RABGAP1L: variants seen among roughly 807,000 people sequenced by gnomAD.
RABGAP1L encodes the protein RAB GTPase activating protein 1 like.
RABGAP1L carries 63 observed loss-of-function variants against 137.7 expected under a neutral mutation model. The ratio of observed to expected loss-of-function variants is 0.46; its 90% CI spans 0.37 to 0.56. The LOEUF is 0.56. Among genes scored for constraint, RABGAP1L ranks in the 20% least tolerant of loss-of-function variants. The pLI, the probability that RABGAP1L is intolerant of heterozygous loss-of-function variation, is 0.00. For synonymous variants in RABGAP1L, 431 were observed against 433.7 expected, an observed-to-expected ratio of 0.99 and a Z score of 0.08; for missense variants, 1,095 against 1,244.0, an observed-to-expected ratio of 0.88 and a Z score of 1.80.
chr1:174,784,236 G>T (rs996531743), intron 18 of RABGAP1L, among the ~76,000 whole-genome samples: 2 of 151,852 alleles, frequency 1.3e-5, no homozygotes, highest in African/African-American at 4.8e-5. Flanking sequence ...AGCCAGGATG[G>T]TCTTGATCTT....
chr1:174,886,012 ATTTT>A (rs530537282), intron 19 of RABGAP1L, among the ~76,000 whole-genome samples: 1 of 135,894 alleles, frequency 7.4e-6, no homozygotes. Context: ...AGAGAAACCA[ATTTT>A]TTTTTTTTTT....
chr1:174,588,409 C>G (rs1002599844), intron 13 of RABGAP1L, among the ~76,000 whole-genome samples: 1 of 152,130 alleles, frequency 6.6e-6, no homozygotes, highest in Non-Finnish European at 1.5e-5. Context: ...AGGTGATCCG[C>G]TTGGCTCAGC....
intron 3 of RABGAP1L, among the ~76,000 whole-genome samples, chr1:174,226,660 C>T (rs892610048): frequency 2.0e-5 from 3 of 152,008 alleles, no homozygotes; most frequent in Admixed American, 6.6e-5. Context: ...GTGAAATATC[C>T]GTTTTCTTTT....
intron 14 of RABGAP1L, among the ~76,000 whole-genome samples, chr1:174,656,165 G>A (rs983498640): frequency 1.3e-5 from 2 of 152,006 alleles, no homozygotes; most frequent in Non-Finnish European, 2.9e-5. Context: ...CCTTTAAAGT[G>A]TACAATTCAG....
At chr1:174,944,994 C>G (rs556696029) in intron 19 of RABGAP1L, among the ~76,000 whole-genome samples, 1 of 152,288 alleles carries the variant, frequency 6.6e-6, no homozygotes, top group Admixed American at 6.5e-5. Context: ...GGTTTCTTAG[C>G]ATTTTATGGT....
rs1558318208 is a variant in RABGAP1L at position 174,993,808 on chromosome 1, A to ATAAC, written c.*3809_*3812dup. On this transcript the variant is annotated 3_prime_UTR_variant, in exon 26 of 26. Coordinates refer to ENST00000681986, the MANE Select transcript of RABGAP1L (RefSeq NM_001366446.1). ...TTGATTAGCAAGATGATTATATTAT[A>ATAAC]TAACTTGCCCTTAAAAACACTCCAA... The ATAAC allele has an allele frequency of 6.6e-6, 1 of 152,252 alleles. No individual in the cohort carries two copies. Among genetic ancestry groups the ATAAC allele is most frequent in the African/African-American group, 2.4e-5 (1 of 41,472 alleles). 9.4% of individuals were successfully genotyped at this position (152,252 alleles called of 1,614,324 possible).
In RABGAP1L at chr1:174,448,439, G is replaced by A. The variant is rs758777410; in HGVS notation, c.1710+54294G>A. The A allele has an allele frequency of 4.3e-6, 7 of 1,613,390 alleles. No individual in the cohort carries two copies. Among genetic ancestry groups the A allele is most frequent in the South Asian group, 1.1e-5 (1 of 91,064 alleles). On this transcript the variant is annotated intron_variant, in intron 13 of 25. Coordinates refer to ENST00000681986, the MANE Select transcript of RABGAP1L (RefSeq NM_001366446.1). The surrounding 1 kb of genome is among the most constrained non-coding windows in gnomAD (Gnocchi z 4.2). ...TCTCCACTACTCCACAGGTGTCCAC[G>A]AGTCATTGACTTGCCAGGTTTTTGG... is the stretch of plus-strand genomic sequence containing the variant.
At chr1:174,821,939 T>C (rs923814947) in intron 19 of RABGAP1L, among the ~76,000 whole-genome samples, 14 of 152,212 alleles carry the variant, frequency 9.2e-5, no homozygotes, top group Admixed American at 9.2e-4. Context: ...AATGTTATCA[T>C]GTTATAGGAT....
At chr1:174,231,951 G>C (rs1670695751) in intron 4 of RABGAP1L, among the ~76,000 whole-genome samples, 1 of 152,126 alleles carries the variant, frequency 6.6e-6, no homozygotes, top group Non-Finnish European at 1.5e-5. Context: ...CGGAGCCGCA[G>C]ATCCAAACCC....
chr1:174,749,301 T>C (rs1294731964), intron 17 of RABGAP1L, among the ~76,000 whole-genome samples: 1 of 151,902 alleles, frequency 6.6e-6, no homozygotes, highest in Non-Finnish European at 1.5e-5. Flanking sequence ...AAAAATGTTA[T>C]CTTTTTTTTT....
chr1:174,610,102 T>A (rs527529919), intron 13 of RABGAP1L, among the ~76,000 whole-genome samples: 117 of 151,386 alleles, frequency 7.7e-4, no homozygotes, highest in Non-Finnish European at 1.4e-3. Flanking sequence ...ATGTGGACAA[T>A]GTGCAGGTTA....
chr1:174,456,177 A>G (rs1396821271), intron 13 of RABGAP1L, among the ~76,000 whole-genome samples: 1 of 152,086 alleles, frequency 6.6e-6, no homozygotes, highest in Non-Finnish European at 1.5e-5. Context: ...ATTTTTAATC[A>G]GATGTATTAT....
chr1:174,459,499 A>G (rs4652460), intron 13 of RABGAP1L, among the ~76,000 whole-genome samples: 53,633 of 151,988 alleles, frequency 0.35, 12,117 homozygotes, highest in African/African-American at 0.64. Context: ...TTATATAATC[A>G]CATACAATAA....
At chr1:174,791,950 A>G (rs545326239) in intron 18 of RABGAP1L, among the ~76,000 whole-genome samples, 2 of 152,230 alleles carry the variant, frequency 1.3e-5, no homozygotes, top group Non-Finnish European at 2.9e-5. Flanking sequence ...TTCTTACCAG[A>G]TGGCAGGCTC....
intron 13 of RABGAP1L, among the ~76,000 whole-genome samples, chr1:174,441,058 A>G (rs1331961596): frequency 6.7e-6 from 1 of 149,662 alleles, no homozygotes; most frequent in East Asian, 1.9e-4. Context: ...AAAGTATTAT[A>G]TATATATATA....
intron 18 of RABGAP1L, among the ~76,000 whole-genome samples, chr1:174,803,240 TA>T (rs1688928682): frequency 6.6e-6 from 1 of 152,174 alleles, no homozygotes; most frequent in Non-Finnish European, 1.5e-5. Context: ...AGGTTACTGA[TA>T]TAATAGAGGA....
chr1:174,314,678 G>T (rs1212376533), intron 11 of RABGAP1L, among the ~76,000 whole-genome samples: 2 of 151,910 alleles, frequency 1.3e-5, no homozygotes, highest in Admixed American at 6.6e-5. Context: ...CTGGGTTTCG[G>T]TATGTTGTGT....
chr1:174,333,492 G>C (rs1390523565), intron 11 of RABGAP1L, among the ~76,000 whole-genome samples: 2 of 152,168 alleles, frequency 1.3e-5, no homozygotes, highest in Non-Finnish European at 2.9e-5. Context: ...GTTTAATGCA[G>C]AGTGGCTGAG....
chr1:174,598,140 C>G (rs1332373233), intron 13 of RABGAP1L, among the ~76,000 whole-genome samples: 1 of 151,940 alleles, frequency 6.6e-6, no homozygotes, highest in Non-Finnish European at 1.5e-5. Context: ...GCTATCCTGG[C>G]CAACATGGGA....
Sources: allele counts gnomAD v4.1 joint callset (sites outside exome capture counted in the v4.1 genomes callset), GRCh38; gene constraint gnomAD v4.1.1; non-coding constraint Gnocchi (gnomAD v3.1); transcripts MANE v1.5; gene names NCBI Gene and HGNC (gene_info 2026-07-23, HGNC 2026-07-21).